The following CTNNA3 variants were observed in gnomAD, a reference collection of about 807,000 sequenced individuals.
The protein encoded by CTNNA3 is catenin alpha-3.
A neutral mutation model predicts 95.7 loss-of-function variants in CTNNA3; 76 were observed. The ratio of observed to expected loss-of-function variants is 0.79; its 90% CI spans 0.66 to 0.96. The LOEUF is 0.96. Ranked by LOEUF, CTNNA3 falls within the 40% of genes least tolerant of loss-of-function variation. The pLI, the probability that CTNNA3 is intolerant of heterozygous loss-of-function variation, is 0.00. For synonymous variants in CTNNA3, 431 were observed against 374.4 expected (o/e 1.15, Z -1.74); for missense variants, 1,191 against 1,089.8 (o/e 1.09, Z -1.31).
chr10:66,154,066 A>C (rs1478450252), intron 13 of CTNNA3, among the ~76,000 whole-genome samples: 1 of 151,900 alleles, frequency 6.6e-6, no homozygotes, highest in Non-Finnish European at 1.5e-5. Context: ...ATACCTTTAA[A>C]CACAGCTCAA....
chr10:66,570,288 TG>T (rs1842830798), intron 10 of CTNNA3, among the ~76,000 whole-genome samples: 1 of 151,492 alleles, frequency 6.6e-6, no homozygotes, highest in Non-Finnish European at 1.5e-5. Flanking sequence ...TGTTTTGTTT[TG>T]TTTTGTTTTG....
intron 9 of CTNNA3, among the ~76,000 whole-genome samples, chr10:66,697,839 G>A (rs918011791): frequency 1.3e-5 from 2 of 152,122 alleles, no homozygotes; most frequent in African/African-American, 4.8e-5. Context: ...TATAAACTGT[G>A]CTAGCATATT....
intron 16 of CTNNA3, among the ~76,000 whole-genome samples, chr10:65,983,934 CTAAT>C (rs1418830345): frequency 6.6e-6 from 1 of 151,212 alleles, no homozygotes; most frequent in Non-Finnish European, 1.5e-5. Flanking sequence ...ATCAACTAAT[CTAAT>C]TGTTTCATTC....
intron 3 of CTNNA3, among the ~76,000 whole-genome samples, chr10:67,562,462 T>A (rs995870261): frequency 5.9e-5 from 9 of 152,156 alleles, no homozygotes; most frequent in Non-Finnish European, 1.3e-4. Flanking sequence ...AAACTCTCAA[T>A]AAATTAAGTA....
intron 7 of CTNNA3, among the ~76,000 whole-genome samples, chr10:67,135,191 T>C (rs755366641): frequency 8.5e-5 from 13 of 152,248 alleles, no homozygotes; most frequent in Non-Finnish European, 1.6e-4. Flanking sequence ...GGGTGACTCC[T>C]GGAGCTTGTA....
intron 11 of CTNNA3, among the ~76,000 whole-genome samples, chr10:66,468,049 A>G (rs1170708066): frequency 6.6e-6 from 1 of 152,084 alleles, no homozygotes; most frequent in East Asian, 1.9e-4. Flanking sequence ...ACAAGCATTT[A>G]CTAAACGTAT....
At chr10:67,373,102 A>G (rs1843544662) in intron 5 of CTNNA3, among the ~76,000 whole-genome samples, 1 of 152,194 alleles carries the variant, frequency 6.6e-6, no homozygotes, top group Non-Finnish European at 1.5e-5. Context: ...CATAATAATG[A>G]CAGGATGATT....
intron 7 of CTNNA3, among the ~76,000 whole-genome samples, chr10:67,150,226 T>A (rs558825073): frequency 6.6e-6 from 1 of 152,328 alleles, no homozygotes; most frequent in African/African-American, 2.4e-5. Context: ...CTTAAATGTG[T>A]ATTTGGAAAT....
Position 66,007,807 on chromosome 10 carries a change from CT to C in CTNNA3, c.2160-19011del, listed in dbSNP as rs1414877034. Among the ~76,000 whole-genome samples the C allele has an allele frequency of 4.5e-5, 4 of 89,746 alleles. No individual in the cohort carries two copies. In the East Asian group the frequency reaches 2.2e-3, roughly 49 times the overall value. The allele number at this position is 89,746 out of a possible 152,430, so 58.9% of individuals were successfully genotyped here. On this transcript the variant is annotated intron_variant, in intron 15 of 17. Transcript: ENST00000433211. ...CCTCCCTTCCTCCCTTCCTTCCTCC[CT>C]CGCTCCCTCCCTTTCTTCCTTCCTT...
Position 66,242,807 on chromosome 10 carries a change from C to A in CTNNA3, c.1884+37663G>T, listed in dbSNP as rs193161534. Reference sequence around the variant, plus strand: ...GGAGAAATAAAAATTCCCTTGAATTCCATGAAATAATATGTGTAAGTAGGT... The same window carrying A: ...GGAGAAATAAAAATTCCCTTGAATTACATGAAATAATATGTGTAAGTAGGT... On this transcript the variant is annotated intron_variant, in intron 13 of 17. Transcript: ENST00000433211. Among the ~76,000 whole-genome samples the A allele has an allele frequency of 3.3e-5, 5 of 152,238 alleles. No individual in the cohort carries two copies. The East Asian group carries it at 7.7e-4, about 24-fold the overall frequency.
At chr10:67,036,437 G>A (rs1310968678) in intron 7 of CTNNA3, among the ~76,000 whole-genome samples, 4 of 152,044 alleles carry the variant, frequency 2.6e-5, no homozygotes, top group Non-Finnish European at 4.4e-5. Flanking sequence ...AGGCTGAGGC[G>A]GGCAAATCAT....
At chr10:66,561,822 T>A (rs539859791) in intron 10 of CTNNA3, among the ~76,000 whole-genome samples, 7 of 152,220 alleles carry the variant, frequency 4.6e-5, no homozygotes, top group African/African-American at 1.7e-4. Flanking sequence ...TACACCCATT[T>A]TTTTGTTGTT....
At chr10:67,017,091 G>C (rs186107715) in intron 7 of CTNNA3, among the ~76,000 whole-genome samples, 226 of 152,228 alleles carry the variant, frequency 1.5e-3, no homozygotes, top group African/African-American at 4.9e-3. Context: ...CAGATTTATA[G>C]CTAATCATTG....
chr10:66,562,024 T>C (rs1842569359), intron 10 of CTNNA3, among the ~76,000 whole-genome samples: 1 of 151,990 alleles, frequency 6.6e-6, no homozygotes, highest in African/African-American at 2.4e-5. Context: ...AACAGCTAAG[T>C]ATGATTAGAA....
chr10:66,509,011 T>C (rs1262488892), intron 11 of CTNNA3, among the ~76,000 whole-genome samples: 1 of 152,084 alleles, frequency 6.6e-6, no homozygotes, highest in African/African-American at 2.4e-5. Flanking sequence ...CAACAGTATA[T>C]AAGAGTTCCA....
chr10:67,457,116 G>A (rs998063866), intron 5 of CTNNA3, among the ~76,000 whole-genome samples: 1 of 152,168 alleles, frequency 6.6e-6, no homozygotes, highest in Non-Finnish European at 1.5e-5. Context: ...GAAATACTCT[G>A]TGAACAGGAT....
At chr10:66,205,705 G>A in intron 13 of CTNNA3, among the ~76,000 whole-genome samples, 1 of 151,858 alleles carries the variant, frequency 6.6e-6, no homozygotes, top group East Asian at 1.9e-4. Flanking sequence ...TATGTTAATT[G>A]ATGCATACCA....
At chr10:67,712,980 T>C (rs76410373) in intron 1 of CTNNA3, among the ~76,000 whole-genome samples, 1 of 152,056 alleles carries the variant, frequency 6.6e-6, no homozygotes, top group Non-Finnish European at 1.5e-5. Flanking sequence ...AGAAACTATC[T>C]TCAGAGGGAA....
At chr10:66,983,241 A>G (rs1004095002) in intron 7 of CTNNA3, among the ~76,000 whole-genome samples, 1 of 152,136 alleles carries the variant, frequency 6.6e-6, no homozygotes, top group Non-Finnish European at 1.5e-5. Flanking sequence ...CACAGATTTC[A>G]TTCCATCCTA....
Sources: allele counts gnomAD v4.1 joint callset (sites outside exome capture counted in the v4.1 genomes callset), GRCh38; gene constraint gnomAD v4.1.1; transcripts MANE v1.5; gene names NCBI Gene and HGNC (gene_info 2026-07-23, HGNC 2026-07-21).